Variants in EVI5 observed in about 807,000 individuals in gnomAD.
The protein encoded by EVI5 is ecotropic viral integration site 5 protein homolog.
Under a neutral mutation model 112.0 loss-of-function variants are expected in EVI5, and 73 were observed. That is an observed-to-expected ratio of 0.65 (90% CI 0.54 to 0.79). EVI5 has a LOEUF of 0.79. Among genes scored for constraint, EVI5 ranks in the 30% least tolerant of loss-of-function variants. The pLI is 0.00. For synonymous variants in EVI5, 305 were observed against 319.9 expected, an observed-to-expected ratio of 0.95 and a Z score of 0.50; for missense variants, 900 against 968.8, an observed-to-expected ratio of 0.93 and a Z score of 0.94.
chr1:92,703,180 A>G (rs1419990490), intron 4 of EVI5, among the ~76,000 whole-genome samples: 1 of 152,136 alleles, frequency 6.6e-6, no homozygotes, highest in Non-Finnish European at 1.5e-5. Flanking sequence ...CATTTCCATC[A>G]ACTAATGCTA....
chr1:92,743,528 T>C (rs1330516512), intron 1 of EVI5, among the ~76,000 whole-genome samples: 2 of 151,450 alleles, frequency 1.3e-5, no homozygotes, highest in Non-Finnish European at 2.9e-5. Context: ...GAAGAGGAAA[T>C]AGGGAGTTAT....
chr1:92,627,833 A>G (rs1218612241), intron 14 of EVI5, among the ~76,000 whole-genome samples: 1 of 151,360 alleles, frequency 6.6e-6, no homozygotes, highest in African/African-American at 2.4e-5. Flanking sequence ...TCTGTCGCCC[A>G]GGCTGGAGCG....
At chr1:92,637,085 T>C (rs1659013010) in intron 13 of EVI5, among the ~76,000 whole-genome samples, 1 of 152,142 alleles carries the variant, frequency 6.6e-6, no homozygotes, top group Non-Finnish European at 1.5e-5. Context: ...TATTTGTCCT[T>C]AGAAATGTAG....
chr1:92,594,148 C>T (rs1432485210), intron 18 of EVI5, among the ~76,000 whole-genome samples: 1 of 152,164 alleles, frequency 6.6e-6, no homozygotes, highest in African/African-American at 2.4e-5. Context: ...AGGCACCATC[C>T]CACCTGACTT....
At chr1:92,756,514 T>G in intron 1 of EVI5, 1 of 533,312 alleles carries the variant, frequency 1.9e-6, no homozygotes. Context: ...TGCTTACTCC[T>G]GGTATTTCTT....
intron 9 of EVI5, among the ~76,000 whole-genome samples, chr1:92,684,961 C>T (rs1400462757): frequency 6.6e-6 from 1 of 151,968 alleles, no homozygotes; most frequent in Non-Finnish European, 1.5e-5. Context: ...TAATGGGAGA[C>T]TTTAACACCC....
At chr1:92,714,184 T>C (rs186816517) in intron 2 of EVI5, 9 of 971,078 alleles carry the variant, frequency 9.3e-6, no homozygotes, top group Admixed American at 1.2e-4. Context: ...GGTTGCTACA[T>C]GCACTTATTT....
At chr1:92,654,543 T>C (rs1410066314) in intron 13 of EVI5, among the ~76,000 whole-genome samples, 4 of 152,060 alleles carry the variant, frequency 2.6e-5, no homozygotes, top group African/African-American at 9.7e-5. Flanking sequence ...CAAATGAAAG[T>C]AAATTCAAAA....
chr1:92,787,001 A>G (rs1685689781), upstream of EVI5, among the ~76,000 whole-genome samples: 1 of 152,150 alleles, frequency 6.6e-6, no homozygotes, highest in South Asian at 2.1e-4. Context: ...CACCTCTGAG[A>G]AGCATCTTCT....
chr1:92,703,140 C>A (rs867666960), intron 4 of EVI5, among the ~76,000 whole-genome samples: 2 of 152,030 alleles, frequency 1.3e-5, no homozygotes, highest in Admixed American at 6.6e-5. Context: ...CATGAGGATC[C>A]CTCTATGATA....
intron 1 of EVI5, among the ~76,000 whole-genome samples, chr1:92,760,115 C>A (rs959549396): frequency 1.3e-5 from 2 of 152,004 alleles, no homozygotes; most frequent in African/African-American, 4.8e-5. Flanking sequence ...CTTCTTTTTC[C>A]AAATTTTGTT....
At chr1:92,523,043 G>C (rs920881438) in intron 19 of EVI5, among the ~76,000 whole-genome samples, 1 of 152,076 alleles carries the variant, frequency 6.6e-6, no homozygotes, top group African/African-American at 2.4e-5. Context: ...ACCGTCATGA[G>C]CCACTGAACT....
chr1:92,735,587 T>C (rs1677192023), intron 2 of EVI5, among the ~76,000 whole-genome samples: 1 of 147,162 alleles, frequency 6.8e-6, no homozygotes, highest in African/African-American at 2.5e-5. Context: ...ATGTATATAA[T>C]GTATATATTA....
At chr1:92,654,037 T>C (rs1306421094) in intron 13 of EVI5, among the ~76,000 whole-genome samples, 3 of 151,954 alleles carry the variant, frequency 2.0e-5, no homozygotes, top group Non-Finnish European at 4.4e-5. Flanking sequence ...TCAGGTCTTC[T>C]GCTTGTGCTC....
At chr1:92,764,099 TTG>T (rs769152959) in intron 1 of EVI5, among the ~76,000 whole-genome samples, 9 of 152,208 alleles carry the variant, frequency 5.9e-5, no homozygotes, top group Non-Finnish European at 1.0e-4. Flanking sequence ...TAGTATGAGT[TTG>T]TGTTTTAGCT....
chr1:92,691,706 A>C (rs1166440689), intron 9 of EVI5, among the ~76,000 whole-genome samples: 2 of 152,232 alleles, frequency 1.3e-5, no homozygotes, highest in African/African-American at 4.8e-5. Context: ...AAGACCTGGA[A>C]GAGATGGAAA....
At chr1:92,654,193 C>T (rs112172878) in intron 13 of EVI5, among the ~76,000 whole-genome samples, 3 of 152,244 alleles carry the variant, frequency 2.0e-5, no homozygotes, top group African/African-American at 7.2e-5. Flanking sequence ...CCCCATTAAA[C>T]AAAGATCAAG....
At chr1:92,699,795 T>TG (rs147888301) in intron 5 of EVI5, among the ~76,000 whole-genome samples, 1,852 of 152,318 alleles carry the variant, frequency 0.012, 39 homozygotes, top group African/African-American at 0.043. Flanking sequence ...TATAATCTTA[T>TG]GGGCGCACCA....
intron 4 of EVI5, 32 bp from the exon 5 acceptor site, chr1:92,702,247 A>T (rs570572012): frequency 2.6e-6 from 3 of 1,140,020 alleles, no homozygotes; most frequent in South Asian, 2.9e-5. Flanking sequence ...TTCAAAATAC[A>T]TGGTAAGTTA....
Sources: gnomAD v4.1 joint callset for allele counts (sites outside exome capture counted in the v4.1 genomes callset) on GRCh38, gnomAD v4.1.1 for gene constraint, MANE v1.5 for transcripts, NCBI Gene and HGNC (gene_info 2026-07-23, HGNC 2026-07-21) for gene names.